The following CCT3 variants were observed in gnomAD, a reference collection of about 807,000 sequenced individuals.
CCT3 encodes the protein T-complex protein 1 subunit gamma.
Under a neutral mutation model 65.3 loss-of-function variants are expected in CCT3, and 10 were observed. That is an observed-to-expected ratio of 0.15 (90% CI 0.09 to 0.26). The LOEUF (loss-of-function observed/expected upper bound fraction) is 0.26. Among genes scored for constraint, CCT3 ranks in the 10% least tolerant of loss-of-function variants. CCT3 has a pLI of 1.00. For synonymous variants in CCT3, 225 were observed against 242.3 expected (o/e 0.93, Z 0.66); for missense variants, 626 against 708.7 (o/e 0.88, Z 1.33).
rs1299887221 is a variant in CCT3 at position 156,335,761 on chromosome 1, C to T, written c.93+66G>A. ...AAGTCTAGATGCACAGGACACATGGCTATGACCAAATACCAGGAAAGATAG... is the reference window on the plus strand; with the variant it reads ...AAGTCTAGATGCACAGGACACATGGTTATGACCAAATACCAGGAAAGATAG... On this transcript the variant is annotated intron_variant, in intron 2 of 13. Transcript: ENST00000295688. 6 of 1,351,730 alleles carry T rather than the reference C, an allele frequency of 4.4e-6. No homozygotes were observed. The African/African-American group carries it at 8.6e-5, about 19-fold the overall frequency. 83.7% of individuals were successfully genotyped at this position (1,351,730 alleles called of 1,614,324 possible). A position where few individuals can be genotyped will look rare whatever the true frequency, so the allele number is the denominator to read the frequency against.
intron 1 of CCT3, chr1:156,337,909 G>T: frequency 3.6e-6 from 2 of 555,050 alleles, no homozygotes; most frequent in Non-Finnish European, 6.4e-6. Flanking sequence ...GTGGGAAAGA[G>T]CTTCCCAAGA....
At chr1:156,314,295 A>G (rs1254386482) in intron 10 of CCT3, among the ~76,000 whole-genome samples, 1 of 152,194 alleles carries the variant, frequency 6.6e-6, no homozygotes, top group African/African-American at 2.4e-5. Context: ...GACAGAGCCA[A>G]TCAAGGAAAT....
intron 2 of CCT3, 93 bp from the exon 3 acceptor site, chr1:156,335,011 A>C: frequency 1.0e-6 from 1 of 961,992 alleles, no homozygotes; most frequent in African/African-American, 1.6e-5. Context: ...TGAACAACCC[A>C]CAGAGTCAGT....
intron 5 of CCT3, among the ~76,000 whole-genome samples, chr1:156,325,616 C>T (rs185861836): frequency 2.8e-5 from 4 of 145,346 alleles, no homozygotes; most frequent in South Asian, 2.2e-4. Flanking sequence ...CTCGCTGTGT[C>T]GCCCAGGCTG....
rs777643349 is a variant in CCT3 at position 156,338,144 on chromosome 1, CA to C, written c.31+9del. The C allele has an allele frequency of 6.9e-6, 11 of 1,584,180 alleles. No homozygotes were observed. Among genetic ancestry groups the C allele is most frequent in the Non-Finnish European group, 7.7e-6 (9 of 1,166,676 alleles). ...AAGGGGGTCCATTTCCTGGCATCCC[CA>C]GAACTCACTGAGCACGAGCACTGGA... On this transcript the variant is annotated intron_variant, in intron 1 of 13. Coordinates refer to ENST00000295688, the MANE Select transcript of CCT3 (RefSeq NM_005998.5).
chr1:156,332,094 C>G (rs568369560), intron 5 of CCT3, among the ~76,000 whole-genome samples: 1 of 152,064 alleles, frequency 6.6e-6, no homozygotes, highest in African/African-American at 2.4e-5. Flanking sequence ...GGCACAAACA[C>G]GGCTCACTGC....
chr1:156,320,860 T>G lies in CCT3; in HGVS notation c.588A>C (p.Lys196Asn). 23 of 1,611,290 alleles carry G rather than the reference T, an allele frequency of 1.4e-5. No individual in the cohort carries two copies. Among genetic ancestry groups the G allele is most frequent in the Non-Finnish European group, 2.0e-5 (23 of 1,177,834 alleles). The change falls in exon 7 of 14, where the codon AAA becomes AAC. Residue 196 changes from lysine to asparagine, a missense_variant. Physicochemically the swap from Lys to Asn is moderately conservative, Grantham distance 94 (BLOSUM62 0). Coordinates refer to ENST00000295688, the MANE Select transcript of CCT3 (RefSeq NM_005998.5). ...EENGRKEIDI[K>N]KYARVEKIPG... Reference sequence around the variant, plus strand: ...TTACCTTTTCCACTCTTGCATATTTTTTTATGTCAATCTCTTTCCGACCAT... The same window carrying G: ...TTACCTTTTCCACTCTTGCATATTTGTTTATGTCAATCTCTTTCCGACCAT...
Position 156,334,845 on chromosome 1 carries a change from G to A in CCT3, c.144+23C>T, listed in dbSNP as rs116252233. The A allele has an allele frequency of 2.9e-4, 467 of 1,613,756 alleles. 2 individuals are homozygous for A. In the African/African-American group the frequency reaches 5.4e-3, roughly 19 times the overall value. ...GGAAGAAAAAAATTGTAGCCTAAGA[G>A]TTTTAGGAAGAGATAAGCCTACCTT... On this transcript the variant is annotated intron_variant, in intron 3 of 13. Coordinates refer to ENST00000295688, the MANE Select transcript of CCT3 (RefSeq NM_005998.5).
intron 8 of CCT3, 42 bp from the exon 9 acceptor site, chr1:156,317,589 CT>C: frequency 6.3e-7 from 1 of 1,582,624 alleles, no homozygotes; most frequent in Non-Finnish European, 8.6e-7. Flanking sequence ...AATCCCTGGA[CT>C]GGTGAAGCTC....
At chr1:156,335,532 AT>A (rs1323001390) in intron 2 of CCT3, 1 of 361,528 alleles carries the variant, frequency 2.8e-6, no homozygotes, top group East Asian at 4.5e-5. Flanking sequence ...TAAAGTACTT[AT>A]GTTCAAGTAA....
chr1:156,310,600 C>T lies in CCT3; in HGVS notation c.1491G>A (p.Glu497=). ...AAGTCTGCAGCTTCACAGCCAATGG[C>T]TCCCATATGCCCAGTTCCTTCATGT... ...LVDMKELGIW[E]PLAVKLQTYK... The change falls in exon 13 of 14, where the codon GAG becomes GAA. Residue 497 remains glutamate (E), a synonymous_variant. Coordinates refer to ENST00000295688, the MANE Select transcript of CCT3 (RefSeq NM_005998.5). 1 of 1,613,944 alleles carries T rather than the reference C, an allele frequency of 6.2e-7. No homozygotes were observed. The highest frequency in any genetic ancestry group is 1.3e-5 in the African/African-American group (1 of 75,052).
At chr1:156,319,099 A>C in intron 7 of CCT3, 82 bp from the exon 8 acceptor site, 9 of 1,270,818 alleles carry the variant, frequency 7.1e-6, no homozygotes, top group Non-Finnish European at 8.6e-6. Context: ...TCTTTCCCAA[A>C]CAGCTAGTGT....
intron 5 of CCT3, among the ~76,000 whole-genome samples, chr1:156,328,992 G>C (rs538321521): frequency 1.3e-5 from 2 of 152,068 alleles, no homozygotes; most frequent in African/African-American, 2.4e-5. Flanking sequence ...ATACAGTCAC[G>C]TACCATTTAA....
chr1:156,318,765 A>G (rs771321747), intron 8 of CCT3, 103 bp downstream of exon 8: 54 of 1,068,790 alleles, frequency 5.1e-5, no homozygotes, highest in Admixed American at 6.6e-5. Flanking sequence ...AGTGTACACT[A>G]TGCACCCAGA....
intron 10 of CCT3, among the ~76,000 whole-genome samples, chr1:156,316,144 G>A (rs1002379538): frequency 3.3e-5 from 5 of 151,782 alleles, no homozygotes; most frequent in Non-Finnish European, 7.4e-5. Context: ...TAATACAACG[G>A]CAAAAAATAA....
At chr1:156,310,766 G>C in intron 12 of CCT3, 77 bp from the exon 13 acceptor site, 1 of 1,528,444 alleles carries the variant, frequency 6.5e-7, no homozygotes, top group Non-Finnish European at 9.0e-7. Context: ...AAAAAACAAT[G>C]GACCAGTATG....
intron 10 of CCT3, 97 bp downstream of exon 10, chr1:156,317,069 T>A: frequency 9.4e-7 from 1 of 1,061,810 alleles, no homozygotes; most frequent in Non-Finnish European, 1.5e-6. Context: ...TGTTACTATA[T>A]CCTTTATTAA....
chr1:156,325,713 G>A (rs1339682160), intron 5 of CCT3, among the ~76,000 whole-genome samples: 3 of 151,962 alleles, frequency 2.0e-5, no homozygotes, highest in African/African-American at 7.3e-5. Flanking sequence ...AAGTAGCTGG[G>A]ATTACATGCA....
Position 156,333,689 on chromosome 1 carries a change from T to C in CCT3, c.208-46A>G, listed in dbSNP as rs1410177154. On this transcript the variant is annotated intron_variant, in intron 4 of 13. Coordinates refer to ENST00000295688, the MANE Select transcript of CCT3 (RefSeq NM_005998.5). ...TGAATTCACACTATTCAAAGACCTC[T>C]GAACTCATGAAGCTTGGCCCTAACT... 4.9e-6 allele frequency: 7 copies of C among 1,417,544 alleles called. No homozygotes were observed. The Admixed American group carries it at 6.7e-5, about 14-fold the overall frequency. 87.8% of individuals were successfully genotyped at this position (1,417,544 alleles called of 1,614,324 possible). A position where few individuals can be genotyped will look rare whatever the true frequency, so the allele number is the denominator to read the frequency against.
Sources: gnomAD v4.1 joint callset for allele counts (sites outside exome capture counted in the v4.1 genomes callset) on GRCh38, gnomAD v4.1.1 for gene constraint, MANE v1.5 for transcripts, NCBI Gene and HGNC (gene_info 2026-07-23, HGNC 2026-07-21) for gene names.